CD99: variants seen among roughly 807,000 people sequenced by gnomAD.
CD99 encodes the protein CD99 molecule (Xg blood group).
CD99 carries 19 observed loss-of-function variants against 28.4 expected under a neutral mutation model. The observed-to-expected ratio is 0.67, with a 90% confidence interval of 0.47 to 0.98. CD99 has a LOEUF of 0.98. Ranked by LOEUF, CD99 falls within the 50% of genes least tolerant of loss-of-function variation. The pLI is 0.00. For synonymous variants in CD99, 103 were observed against 92.1 expected (o/e 1.12, Z -0.67); for missense variants, 283 against 248.8 (o/e 1.14, Z -0.92).
intron 9 of CD99, 98 bp from the exon 10 acceptor site, chrX:2,740,681 A>G: frequency 2.4e-6 from 3 of 1,232,542 alleles, no homozygotes; most frequent in Non-Finnish European, 3.5e-6. Flanking sequence ...TTTCTTATGC[A>G]GAAATAAAAC....
intron 1 of CD99, among the ~76,000 whole-genome samples, chrX:2,710,069 C>T (rs973494548): frequency 6.6e-6 from 1 of 152,158 alleles, no homozygotes; most frequent in African/African-American, 2.4e-5. Context: ...GCTGACATGC[C>T]CTTTCTGTGG....
At chrX:2,728,040 C>T (rs971244237) in intron 8 of CD99, among the ~76,000 whole-genome samples, 6 of 151,964 alleles carry the variant, frequency 3.9e-5, no homozygotes, top group African/African-American at 1.2e-4. Flanking sequence ...TTATTTAGAG[C>T]GTGAAATGGA....
chrX:2,709,617 CAG>C (rs1215554919), intron 1 of CD99, among the ~76,000 whole-genome samples: 5 of 152,260 alleles, frequency 3.3e-5, no homozygotes, highest in East Asian at 1.9e-4. Flanking sequence ...CGTGCACACA[CAG>C]AAACCACATG....
chrX:2,699,439 A>G (rs1349565377), intron 1 of CD99, among the ~76,000 whole-genome samples: 1 of 140,218 alleles, frequency 7.1e-6, no homozygotes, highest in East Asian at 2.1e-4. Flanking sequence ...AAGTGCTGGG[A>G]TTACAGGTGT....
At chrX:2,703,760 C>T (rs1438166368) in intron 1 of CD99, among the ~76,000 whole-genome samples, 1 of 151,924 alleles carries the variant, frequency 6.6e-6, no homozygotes, top group Non-Finnish European at 1.5e-5. Flanking sequence ...GCAGAGACCA[C>T]TTTGAAAGGA....
chrX:2,733,262 T>G lies in CD99; in HGVS notation c.476-4938T>G, dbSNP rs2049766333. Reference sequence around the variant, plus strand: ...AGAGCAGCTCTTTCTAACACCTCCCTGCTGCTGGGAGCCCCAGCGCACAGC... The same window carrying G: ...AGAGCAGCTCTTTCTAACACCTCCCGGCTGCTGGGAGCCCCAGCGCACAGC... On this transcript the variant is annotated intron_variant, in intron 8 of 9. Transcript: ENST00000381192. The G allele has an allele frequency of 1.2e-5, 16 of 1,312,666 alleles. No individual in the cohort carries two copies. In the East Asian group the frequency reaches 4.0e-4, roughly 33 times the overall value. The allele number at this position is 1,312,666 out of a possible 1,614,324, so 81.3% of individuals were successfully genotyped here.
chrX:2,717,921 C>A, intron 3 of CD99: 6 of 351,060 alleles, frequency 1.7e-5, no homozygotes, highest in East Asian at 1.0e-4. Flanking sequence ...GTTACTCTGT[C>A]TTTAGATTTT....
chrX:2,726,086 T>C (rs2049266253), intron 7 of CD99, among the ~76,000 whole-genome samples, 174 bp from the exon 8 acceptor site: 1 of 152,184 alleles, frequency 6.6e-6, no homozygotes, highest in African/African-American at 2.4e-5. Flanking sequence ...TTGCTTTGCC[T>C]TCCTGTGTAT....
At chrX:2,710,778 AAG>A (rs1225821952) in intron 1 of CD99, among the ~76,000 whole-genome samples, 1 of 151,826 alleles carries the variant, frequency 6.6e-6, no homozygotes, top group African/African-American at 2.4e-5. Context: ...ATTTCCGGGG[AAG>A]AGAGTTTTGA....
intron 1 of CD99, among the ~76,000 whole-genome samples, chrX:2,709,758 G>A (rs959641963): frequency 3.3e-5 from 5 of 152,222 alleles, no homozygotes; most frequent in Non-Finnish European, 7.3e-5. Flanking sequence ...ACATGCACAC[G>A]TATACCCAGG....
chrX:2,718,938 A>G (rs928600259), intron 3 of CD99: 3 of 152,164 alleles, frequency 2.0e-5, no homozygotes, highest in Admixed American at 6.5e-5. Context: ...GAACTAAGCA[A>G]TCATGCAGAT....
In CD99 at chrX:2,712,877, G is replaced by A. The variant is rs909363694; in HGVS notation, c.68-1545G>A. Among the ~76,000 whole-genome samples the A allele has an allele frequency of 1.1e-4, 16 of 151,712 alleles. No homozygotes were observed. The South Asian group carries it at 2.5e-3, about 24-fold the overall frequency. On this transcript the variant is annotated intron_variant, in intron 1 of 9. Transcript: ENST00000381192. ...TATACTCACCTACCCATACACACAC[G>A]TGCACACAACTACATGTGTGCACAC...
At chrX:2,720,650 A>G (rs1378161929) in intron 5 of CD99, among the ~76,000 whole-genome samples, 3 of 107,796 alleles carry the variant, frequency 2.8e-5, no homozygotes, top group African/African-American at 3.6e-5. Context: ...TTTGAGACAG[A>G]GTCTTGTTCT....
At chrX:2,711,826 G>A (rs1255084783) in intron 1 of CD99, among the ~76,000 whole-genome samples, 1 of 152,124 alleles carries the variant, frequency 6.6e-6, no homozygotes, top group Non-Finnish European at 1.5e-5. Context: ...GATCACCTGA[G>A]GTCAGGAGTT....
At chrX:2,711,678 C>T (rs189407219) in intron 1 of CD99, among the ~76,000 whole-genome samples, 18 of 152,116 alleles carry the variant, frequency 1.2e-4, no homozygotes, top group Admixed American at 8.5e-4. Flanking sequence ...AACTATGCCT[C>T]AATAAAGCTA....
At chrX:2,694,169 G>A (rs972639150) in intron 1 of CD99, among the ~76,000 whole-genome samples, 1 of 152,106 alleles carries the variant, frequency 6.6e-6, no homozygotes, top group Non-Finnish European at 1.5e-5. Context: ...ACGGCACAGC[G>A]GCCTGTGCGG....
chrX:2,728,451 C>T (rs1175259585), intron 8 of CD99, among the ~76,000 whole-genome samples: 2 of 152,048 alleles, frequency 1.3e-5, no homozygotes, highest in Admixed American at 6.6e-5. Context: ...CTGCCTTGAC[C>T]TCCCAAAGTG....
chrX:2,737,651 C>T (rs1000892282), intron 8 of CD99, among the ~76,000 whole-genome samples: 174 of 151,794 alleles, frequency 1.1e-3, no homozygotes, highest in African/African-American at 3.6e-3. Context: ...CACGCCACCA[C>T]GCCCAGTTAA....
chrX:2,722,535 G>A, intron 5 of CD99, 92 bp from the exon 6 acceptor site: 2 of 1,098,740 alleles, frequency 1.8e-6, no homozygotes, highest in South Asian at 1.2e-5. Context: ...TGATGAACAG[G>A]CCGGTTTTCA....
Sources: allele counts gnomAD v4.1 joint callset (sites outside exome capture counted in the v4.1 genomes callset), GRCh38; gene constraint gnomAD v4.1.1; transcripts MANE v1.5; gene names NCBI Gene and HGNC (gene_info 2026-07-23, HGNC 2026-07-21).